FAM234B: variants seen among roughly 807,000 people sequenced by gnomAD.
FAM234B encodes family with sequence similarity 234 member B.
FAM234B carries 33 observed loss-of-function variants against 69.3 expected under a neutral mutation model. That is an observed-to-expected ratio of 0.48 (90% CI 0.36 to 0.64). FAM234B has a LOEUF of 0.64. FAM234B is among the 30% of genes least tolerant of loss of function. The pLI, the probability that FAM234B is intolerant of heterozygous loss-of-function variation, is 0.00. For synonymous variants in FAM234B, 306 were observed against 306.9 expected, an observed-to-expected ratio of 1.00 and a Z score of 0.03; for missense variants, 697 against 769.7, an observed-to-expected ratio of 0.91 and a Z score of 1.12.
Position 13,067,085 on chromosome 12 carries a change from G to T in FAM234B, c.1001-70G>T. 1 of 1,570,490 alleles carries T rather than the reference G, an allele frequency of 6.4e-7. No individual in the cohort carries two copies. The highest frequency in any genetic ancestry group is 8.7e-7 in the Non-Finnish European group (1 of 1,145,148). ...CATCTGGTCAGGCTCTGTGTCTCTT[G>T]CTCAGATCCTCACCATGGGACAGTT... is the stretch of plus-strand genomic sequence containing the variant. On this transcript the variant is annotated intron_variant, in intron 6 of 12. Transcript: ENST00000197268. This position sits in a 1 kb window ranked among gnomAD's most constrained non-coding sequence, Gnocchi z 4.7.
At position 13,057,159 on chromosome 12, in the gene FAM234B, G is replaced by A. The variant is rs531134978; in HGVS notation, c.433+1213G>A. ...TGCCTGGCTAATTTTTGTATTTTCAGTAGAGACGGGGTTTTGCCATTTTGG... is the reference window on the plus strand; with the variant it reads ...TGCCTGGCTAATTTTTGTATTTTCAATAGAGACGGGGTTTTGCCATTTTGG... On this transcript the variant is annotated intron_variant, in intron 2 of 12. Transcript: ENST00000197268. Among the ~76,000 whole-genome samples the A allele has an allele frequency of 3.9e-5, 6 of 152,078 alleles. No homozygotes were observed. The South Asian group carries it at 1.0e-3, about 26-fold the overall frequency.
chr12:13,080,057 A>G (rs1311855368), intron 12 of FAM234B, 48 bp downstream of exon 12: 1 of 1,356,300 alleles, frequency 7.4e-7, no homozygotes, highest in Non-Finnish European at 1.0e-6. Context: ...TAGGACAAAT[A>G]CTACCAATTC....
At chr12:13,077,169 A>G (rs1293695172) in intron 11 of FAM234B, among the ~76,000 whole-genome samples, 1 of 152,166 alleles carries the variant, frequency 6.6e-6, no homozygotes, top group Non-Finnish European at 1.5e-5. Context: ...TGTTTTTTCA[A>G]CAGTAGCATA....
rs771174891 is a variant in FAM234B at position 13,067,168 on chromosome 12, T to C, written c.1014T>C (p.Ala338=). ...YILFGFGNIQ[A]VALRDIFVQA... The stretch of plus-strand genomic sequence containing the variant: ...CTGTGGTGCTAGGAAATATACAAGC[T>C]GTCGCACTGCGGGACATTTTTGTTC... The change falls in exon 7 of 13, where the codon GCT becomes GCC. Residue 338 remains alanine (A), a synonymous_variant. Coordinates refer to ENST00000197268, the MANE Select transcript of FAM234B (RefSeq NM_020853.2). This position sits in a 1 kb window ranked among gnomAD's most constrained non-coding sequence, Gnocchi z 4.7. 6.2e-7 allele frequency: 1 copy of C among 1,614,040 alleles called. No homozygotes were observed. The highest frequency in any genetic ancestry group is 2.2e-5 in the East Asian group (1 of 44,886).
chr12:13,068,280 C>T, intron 7 of FAM234B, 24 bp from the exon 8 acceptor site: 2 of 1,613,814 alleles, frequency 1.2e-6, no homozygotes, highest in East Asian at 4.5e-5. Context: ...CAGAGACTAA[C>T]CGTTGGGGTC....
intron 10 of FAM234B, among the ~76,000 whole-genome samples, chr12:13,073,484 C>T (rs377146506): frequency 5.3e-5 from 8 of 152,304 alleles, no homozygotes; most frequent in African/African-American, 1.9e-4. Context: ...TTGACCTTTC[C>T]ACTTTTTCTT....
At chr12:13,048,476 ACTC>A (rs1157098225) in intron 1 of FAM234B, among the ~76,000 whole-genome samples, 2 of 143,338 alleles carry the variant, frequency 1.4e-5, no homozygotes, top group Non-Finnish European at 3.0e-5. Flanking sequence ...TTTTTTGGCA[ACTC>A]TTTAAAATAC....
intron 9 of FAM234B, 80 bp downstream of exon 9, chr12:13,068,791 G>A: frequency 2.3e-6 from 2 of 871,228 alleles, no homozygotes; most frequent in South Asian, 1.7e-5. Flanking sequence ...GGCACAGCAG[G>A]GAATAAAAAG....
intron 11 of FAM234B, among the ~76,000 whole-genome samples, chr12:13,076,866 C>G (rs1865167496): frequency 6.6e-6 from 1 of 152,244 alleles, no homozygotes; most frequent in Non-Finnish European, 1.5e-5. Context: ...TTCCTTCCCT[C>G]ATGGAATCTG....
chr12:13,051,840 G>A (rs988530209), intron 1 of FAM234B, among the ~76,000 whole-genome samples: 1 of 152,154 alleles, frequency 6.6e-6, no homozygotes, highest in African/African-American at 2.4e-5. Flanking sequence ...TGATGGTAAT[G>A]ATAATAATAG....
rs866702007 is a variant in FAM234B at position 13,077,540 on chromosome 12, C to T, written c.1642+1397C>T. Among the ~76,000 whole-genome samples, 48 of 150,952 alleles carry T rather than the reference C, an allele frequency of 3.2e-4. No homozygotes were observed. In the South Asian group the frequency reaches 4.2e-3, roughly 13 times the overall value. ...TGCGGTGTTTGGTTTTTTGTCCTTG[C>T]GATAGTTTACTGAGAATGATGATTT... On this transcript the variant is annotated intron_variant, in intron 11 of 12. Coordinates refer to ENST00000197268, the MANE Select transcript of FAM234B (RefSeq NM_020853.2).
chr12:13,049,185 A>C (rs999070545), intron 1 of FAM234B, among the ~76,000 whole-genome samples: 2 of 152,202 alleles, frequency 1.3e-5, no homozygotes, highest in Non-Finnish European at 2.9e-5. Context: ...TACTGAGATA[A>C]GAATTTTTTT....
intron 10 of FAM234B, among the ~76,000 whole-genome samples, chr12:13,073,922 G>A (rs999651695): frequency 2.0e-5 from 3 of 152,154 alleles, no homozygotes; most frequent in Non-Finnish European, 4.4e-5. Context: ...AGCTATCCGC[G>A]TCTAAGCTGC....
intron 2 of FAM234B, among the ~76,000 whole-genome samples, chr12:13,056,914 A>G (rs540184705): frequency 5.1e-4 from 77 of 150,766 alleles, no homozygotes; most frequent in Middle Eastern, 3.4e-3. Flanking sequence ...TAAACTGTAT[A>G]TTCATTACTT....
At chr12:13,075,976 G>C (rs59444751) in intron 10 of FAM234B, 50 bp from the exon 11 acceptor site, 3 of 1,311,936 alleles carry the variant, frequency 2.3e-6, no homozygotes, top group African/African-American at 1.5e-5. Context: ...ACTGTCACGT[G>C]TGGGAATGTA....
intron 11 of FAM234B, 138 bp downstream of exon 11, chr12:13,076,281 C>CGTCTGAGAAGCA: frequency 1.4e-6 from 1 of 699,238 alleles, no homozygotes; most frequent in Non-Finnish European, 2.5e-6. Context: ...TCCCTGGTGT[C>CGTCTGAGAAGCA]CCTGGTGCCT....
chr12:13,075,208 G>A (rs988799810), intron 10 of FAM234B, among the ~76,000 whole-genome samples: 5 of 152,202 alleles, frequency 3.3e-5, no homozygotes, highest in Non-Finnish European at 7.3e-5. Context: ...TTCAGGAACA[G>A]ATAAGATTTT....
intron 9 of FAM234B, 108 bp downstream of exon 9, chr12:13,068,819 C>A: frequency 1.4e-6 from 1 of 696,058 alleles, no homozygotes. Flanking sequence ...AATATGATCT[C>A]TAACTTCAAA....
In FAM234B at chr12:13,044,408, C is replaced by A. The variant is rs1321987104; in HGVS notation, c.5C>A (p.Ala2Glu). The change falls in exon 1 of 13, where the codon GCG (alanine) becomes GAG (glutamate). Residue 2 changes from alanine (A) to glutamate (E), a missense_variant. Ala to Glu is a moderately radical substitution (Grantham distance 107). Around this residue, in one of 3 missense-constraint regions of FAM234B, gnomAD observed 380 missense variants for 447.1 expected, o/e 0.85. Transcript: ENST00000197268. The surrounding 1 kb of genome is among the most constrained non-coding windows in gnomAD (Gnocchi z 5.6). M[A>E]TVLSRALKLP... ...ACGCGCACCGGGGCCTCAGCCATGGCGACCGTGCTGTCCAGGGCGCTCAAG... is the reference window on the plus strand; with the variant it reads ...ACGCGCACCGGGGCCTCAGCCATGGAGACCGTGCTGTCCAGGGCGCTCAAG... 6 of 1,551,812 alleles carry A rather than the reference C, an allele frequency of 3.9e-6. No homozygotes were observed. Among genetic ancestry groups the A allele is most frequent in the Non-Finnish European group, 5.2e-6 (6 of 1,147,514 alleles).
Sources: allele counts gnomAD v4.1 joint callset (sites outside exome capture counted in the v4.1 genomes callset), GRCh38; gene constraint gnomAD v4.1.1; regional missense constraint gnomAD v4.1.1; non-coding constraint Gnocchi (gnomAD v3.1); transcripts MANE v1.5; gene names NCBI Gene and HGNC (gene_info 2026-07-23, HGNC 2026-07-21).